Variants in TPTE2 observed in about 807,000 individuals in gnomAD.
The protein encoded by TPTE2 is phosphatidylinositol 3,4,5-trisphosphate 3-phosphatase TPTE2.
A neutral mutation model predicts 78.6 loss-of-function variants in TPTE2; 53 were observed. The ratio of observed to expected loss-of-function variants is 0.67; its 90% CI spans 0.54 to 0.85. TPTE2 has a LOEUF of 0.85. TPTE2 is among the 40% of genes least tolerant of loss of function. The pLI, the probability that TPTE2 is intolerant of heterozygous loss-of-function variation, is 0.00. For synonymous variants in TPTE2, 175 were observed against 206.2 expected, an observed-to-expected ratio of 0.85 and a Z score of 1.30; for missense variants, 461 against 623.0, an observed-to-expected ratio of 0.74 and a Z score of 2.77.
chr13:19,475,637 T>TA lies in TPTE2; in HGVS notation c.180-15dup, dbSNP rs1879891832. ...TTAATCTTGCTGCTGCAAAAAGAAG[T>TA]AAAAATAAAATTAACCAGATTTCTT... On this transcript the variant is annotated splice_polypyrimidine_tract_variant and intron_variant, in intron 4 of 19. Transcript: ENST00000400230. The TA allele has an allele frequency of 6.2e-7, 1 of 1,606,514 alleles. No individual in the cohort carries two copies. Among genetic ancestry groups the TA allele is most frequent in the East Asian group, 2.2e-5 (1 of 44,744 alleles).
chr13:19,475,707 T>C, intron 4 of TPTE2, 84 bp from the exon 8 acceptor site: 1 of 1,374,996 alleles, frequency 7.3e-7, no homozygotes, highest in Non-Finnish European at 9.8e-7. Flanking sequence ...TTTATAAATA[T>C]AATTTTAAAA....
At chr13:19,544,614 G>C in the TPTE2 span, among the ~76,000 whole-genome samples, 1 of 152,180 alleles carries the variant, frequency 6.6e-6, no homozygotes, top group African/African-American at 2.4e-5. Flanking sequence ...TAAGCAGCCA[G>C]GCCAGGCACG....
the TPTE2 span, among the ~76,000 whole-genome samples, chr13:19,559,197 TAAA>T: frequency 6.6e-6 from 1 of 152,160 alleles, no homozygotes; most frequent in African/African-American, 2.4e-5. Flanking sequence ...AAAATAGAAA[TAAA>T]AAATACATTG....
At chr13:19,477,892 C>T (rs1593383447) in intron 4 of TPTE2, among the ~76,000 whole-genome samples, 1 of 152,144 alleles carries the variant, frequency 6.6e-6, no homozygotes, top group South Asian at 2.1e-4. Flanking sequence ...TGTTCACACT[C>T]GGGAGCAACA....
At chr13:19,491,652 C>T (rs1220767907) in intron 3 of TPTE2, among the ~76,000 whole-genome samples, 3 of 151,956 alleles carry the variant, frequency 2.0e-5, no homozygotes, top group African/African-American at 7.3e-5. Context: ...AGTGAAACCC[C>T]GCCCCTACCA....
rs200443236 is a variant in TPTE2, at chr13:19,467,222, T to C, written c.512+3A>G. ...TAAGAGAGGTAAGTCTTATGTTTCA[T>C]ACCTGGGAATATTCCTAAGCAACTT... On this transcript the variant is annotated splice_donor_region_variant and intron_variant, in intron 7 of 19. Transcript: ENST00000400230. The C allele has an allele frequency of 1.6e-5, 25 of 1,579,236 alleles. No homozygotes were observed. The highest frequency in any genetic ancestry group is 2.0e-5 in the Non-Finnish European group (24 of 1,170,956).
At chr13:19,478,892 C>CA (rs1880140743) in intron 4 of TPTE2, among the ~76,000 whole-genome samples, 1 of 152,154 alleles carries the variant, frequency 6.6e-6, no homozygotes, top group East Asian at 1.9e-4. Flanking sequence ...CCATCATTCT[C>CA]GCAAACTATC....
intron 3 of TPTE2, among the ~76,000 whole-genome samples, chr13:19,483,381 G>C (rs1477046774): frequency 6.6e-6 from 1 of 152,054 alleles, no homozygotes; most frequent in East Asian, 1.9e-4. Flanking sequence ...GGTTAGTCTT[G>C]GTAGGTCGTA....
chr13:19,527,995 T>G (rs1409528502), intron 1 of TPTE2, among the ~76,000 whole-genome samples: 6 of 152,198 alleles, frequency 3.9e-5, no homozygotes, highest in Non-Finnish European at 8.8e-5. Flanking sequence ...GTTTCAGGAC[T>G]GGATAAGACT....
At chr13:19,506,234 G>T (rs1253019236), upstream of TPTE2, among the ~76,000 whole-genome samples, 1 of 123,362 alleles carries the variant, frequency 8.1e-6, no homozygotes, top group Non-Finnish European at 1.6e-5. Context: ...TGCAGTGGCG[G>T]GATCTCGGCT....
intron 4 of TPTE2, among the ~76,000 whole-genome samples, chr13:19,476,798 C>T (rs1311759351): frequency 1.3e-5 from 2 of 152,092 alleles, no homozygotes; most frequent in South Asian, 4.1e-4. Context: ...CTGTAAAAAG[C>T]AGTATAGCAA....
intron 10 of TPTE2, among the ~76,000 whole-genome samples, chr13:19,459,174 T>C (rs1878729297): frequency 6.6e-6 from 1 of 152,218 alleles, no homozygotes; most frequent in South Asian, 2.1e-4. Context: ...TGATCAGTGA[T>C]GTTGAGATTT....
At chr13:19,551,960 C>CA in the TPTE2 span, among the ~76,000 whole-genome samples, 1 of 152,106 alleles carries the variant, frequency 6.6e-6, no homozygotes, top group Admixed American at 6.5e-5. Context: ...ATGGATATCA[C>CA]AAAAAATAAA....
chr13:19,453,729 C>T lies in TPTE2; in HGVS notation c.742-2504G>A, dbSNP rs998903289. ...CATTTTTCTGGTCACAATCTGTCAC[C>T]AGATGGACAGTTTCTGTTTTCAGCC... On this transcript the variant is annotated intron_variant, in intron 10 of 19. Coordinates refer to ENST00000400230, the Ensembl canonical transcript of TPTE2. Among the ~76,000 whole-genome samples, 7 of 151,956 alleles carry T rather than the reference C, an allele frequency of 4.6e-5. 1 individual carries two copies. Among genetic ancestry groups the T allele is most frequent in the Non-Finnish European group, 8.8e-5 (6 of 67,992 alleles).
chr13:19,561,179 C>A, the TPTE2 span: 67 of 1,566,132 alleles, frequency 4.3e-5, no homozygotes, highest in Non-Finnish European at 5.9e-5. Flanking sequence ...TCTCTGTCTC[C>A]GAGGAGCCCT....
Position 19,532,580 on chromosome 13 carries a change from C to T in TPTE2, c.-44+4016G>A, listed in dbSNP as rs552719212. Among the ~76,000 whole-genome samples, 7 of 152,330 alleles carry T rather than the reference C, an allele frequency of 4.6e-5. No individual in the cohort carries two copies. In the East Asian group the frequency reaches 1.4e-3, roughly 29 times the overall value. On this transcript the variant is annotated intron_variant, in intron 1 of 17. Transcript: ENST00000390680. ...ACAAATTCTTGTTCTTTATACATTA[C>T]CCAGTCTGTGGTATTCTGTTATAGC...
At chr13:19,480,289 G>C (rs1206444709) in intron 4 of TPTE2, among the ~76,000 whole-genome samples, 1 of 152,130 alleles carries the variant, frequency 6.6e-6, no homozygotes, top group Admixed American at 6.6e-5. Context: ...CACTAAAACA[G>C]GGTAAGGACA....
rs570349984 is a variant in TPTE2 at position 19,497,529 on chromosome 13, A to T, written c.12-4028T>A. On this transcript the variant is annotated intron_variant, in intron 1 of 19. Transcript: ENST00000400230. ...GCAGCCTAACTGGGAGGCACCCCCC[A>T]GCAGGGGCACACTGACACCTCACAT... Among the ~76,000 whole-genome samples, 319 of 78,262 alleles carry T rather than the reference A, an allele frequency of 4.1e-3. 18 individuals carry two copies. Among genetic ancestry groups the T allele is most frequent in the African/African-American group, 9.9e-3 (305 of 30,896 alleles). 51.3% of individuals were successfully genotyped at this position (78,262 alleles called of 152,430 possible). A position where few individuals can be genotyped will look rare whatever the true frequency, so the allele number is the denominator to read the frequency against.
chr13:19,551,101 C>T, the TPTE2 span, among the ~76,000 whole-genome samples: 1 of 151,982 alleles, frequency 6.6e-6, no homozygotes, highest in African/African-American at 2.4e-5. Flanking sequence ...AAACTAAGGC[C>T]CAGGTGCTTA....
Sources: allele counts gnomAD v4.1 joint callset (sites outside exome capture counted in the v4.1 genomes callset), GRCh38; gene constraint gnomAD v4.1.1; transcripts MANE v1.5; gene names NCBI Gene and HGNC (gene_info 2026-07-23, HGNC 2026-07-21).